Variants in PATJ observed in about 807,000 individuals in gnomAD.
The protein encoded by PATJ is PATJ crumbs cell polarity complex component.
In PATJ, 190 loss-of-function variants were observed where a neutral mutation model predicts 224.9. The observed-to-expected ratio is 0.84, with a 90% CI of 0.75 to 0.95. The LOEUF is 0.95. PATJ is among the 40% of genes least tolerant of loss of function. PATJ has a pLI of 0.00. For missense variants in PATJ, 2,121 were observed against 2,270.3 expected (o/e 0.93, Z 1.34); for synonymous variants, 769 against 820.3 (o/e 0.94, Z 1.07).
chr1:61,898,998 G>A (rs1670752388), intron 22 of PATJ, among the ~76,000 whole-genome samples: 2 of 152,128 alleles, frequency 1.3e-5, no homozygotes, highest in South Asian at 2.1e-4. Flanking sequence ...CAGTTCAGTA[G>A]TACTATACTA....
intron 28 of PATJ, among the ~76,000 whole-genome samples, chr1:62,014,349 C>A (rs1646638988): frequency 6.6e-6 from 1 of 152,048 alleles, no homozygotes; most frequent in Non-Finnish European, 1.5e-5. Context: ...AGCCACCACA[C>A]CTGGCCTTAT....
intron 39 of PATJ, among the ~76,000 whole-genome samples, chr1:62,127,468 C>T (rs955098834): frequency 1.4e-5 from 2 of 147,700 alleles, no homozygotes; most frequent in East Asian, 2.0e-4. Context: ...TGACAACTTT[C>T]ACAAGGTTAA....
At chr1:62,092,454 G>A (rs577308216) in intron 33 of PATJ, among the ~76,000 whole-genome samples, 1 of 150,958 alleles carries the variant, frequency 6.6e-6, no homozygotes, top group South Asian at 2.1e-4. Flanking sequence ...AAAGTCCTGC[G>A]AATGTCAGAG....
At chr1:61,871,062 T>G in intron 20 of PATJ, among the ~76,000 whole-genome samples, 1 of 149,692 alleles carries the variant, frequency 6.7e-6, no homozygotes, top group Non-Finnish European at 1.5e-5. Flanking sequence ...TTTAAAGATT[T>G]GGTTTTTGTT....
Position 61,908,447 on chromosome 1 carries a change from G to T in PATJ, c.3457G>T (p.Val1153Leu), listed in dbSNP as rs186943456. The T allele has an allele frequency of 2.5e-5, 40 of 1,613,908 alleles. No individual in the cohort carries two copies. The Admixed American group carries it at 6.7e-4, about 27-fold the overall frequency. ...CATTAAGAATGCAGGAAACCCTGTG[G>T]TGTTCATTGTTCAGAGTTTGTCATC... ...EAIKNAGNPV[V>L]FIVQSLSSTP... is the part of the protein sequence containing the mutation. The change falls in exon 25 of 44, where the codon GTG (valine) becomes TTG (leucine). Residue 1153 changes from valine to leucine, a missense_variant. Transcript: ENST00000642238.
At chr1:62,061,918 C>T (rs1271202481) in intron 31 of PATJ, among the ~76,000 whole-genome samples, 1 of 152,196 alleles carries the variant, frequency 6.6e-6, no homozygotes, top group East Asian at 1.9e-4. Flanking sequence ...CTCGGCCTCC[C>T]AAAGTGCTGG....
chr1:61,765,572 A>G (rs1472346898), intron 3 of PATJ, among the ~76,000 whole-genome samples: 1 of 152,072 alleles, frequency 6.6e-6, no homozygotes, highest in Non-Finnish European at 1.5e-5. Context: ...TTTGATAGCG[A>G]TGGGGTTTCA....
At chr1:62,116,116 C>T (rs1356600847) in intron 35 of PATJ, among the ~76,000 whole-genome samples, 1 of 152,148 alleles carries the variant, frequency 6.6e-6, no homozygotes, top group Non-Finnish European at 1.5e-5. Flanking sequence ...TTGTAAGGAA[C>T]ATTTACATTC....
At chr1:61,945,160 T>A (rs1322351676) in intron 27 of PATJ, among the ~76,000 whole-genome samples, 1 of 152,196 alleles carries the variant, frequency 6.6e-6, no homozygotes, top group Non-Finnish European at 1.5e-5. Context: ...AGGAAGAAAC[T>A]GCATCAACTA....
intron 43 of PATJ, among the ~76,000 whole-genome samples, chr1:62,155,126 G>C (rs545669745): frequency 6.6e-6 from 1 of 152,320 alleles, no homozygotes; most frequent in East Asian, 1.9e-4. Context: ...GAAATAGCCA[G>C]CTATGTAGAT....
At chr1:61,964,361 C>A (rs2365735) in intron 27 of PATJ, among the ~76,000 whole-genome samples, 61,539 of 151,928 alleles carry the variant, frequency 0.41, 13,693 homozygotes, top group East Asian at 0.8. Flanking sequence ...GGATTAGAGG[C>A]GTGAACCACT....
intron 41 of PATJ, among the ~76,000 whole-genome samples, chr1:62,131,708 G>A (rs1338020590): frequency 6.6e-6 from 1 of 151,948 alleles, no homozygotes; most frequent in Non-Finnish European, 1.5e-5. Flanking sequence ...GATCACTTGA[G>A]CCCAAGAGTT....
intron 9 of PATJ, among the ~76,000 whole-genome samples, chr1:61,792,464 T>C (rs1650084743): frequency 6.6e-6 from 1 of 152,136 alleles, no homozygotes; most frequent in African/African-American, 2.4e-5. Context: ...ATTAAGAAAA[T>C]TTAATGTTTA....
At chr1:61,934,487 T>C (rs1676536484) in intron 27 of PATJ, among the ~76,000 whole-genome samples, 1 of 152,230 alleles carries the variant, frequency 6.6e-6, no homozygotes, top group Non-Finnish European at 1.5e-5. Flanking sequence ...GTACCTGCTA[T>C]GTGCCATACA....
At chr1:62,156,620 A>T (rs1202266780) in intron 43 of PATJ, among the ~76,000 whole-genome samples, 5 of 151,944 alleles carry the variant, frequency 3.3e-5, no homozygotes, top group Non-Finnish European at 5.9e-5. Context: ...GGTGAGTTTT[A>T]AAAAAATCTG....
At chr1:61,790,519 TTTTTTTTTG>T (rs1206156225) in intron 8 of PATJ, among the ~76,000 whole-genome samples, 3 of 145,472 alleles carry the variant, frequency 2.1e-5, no homozygotes, top group Admixed American at 6.9e-5. Flanking sequence ...TTTTTTGTTT[TTTTTTTTTG>T]TTTGAGACAG....
In PATJ at chr1:62,102,329, G is replaced by T. The variant is rs913411111; in HGVS notation, c.4378-6108G>T. On this transcript the variant is annotated intron_variant, in intron 33 of 43. Transcript: ENST00000642238. ...AACTACCAGGAGGAAATTCATTTTT[G>T]ACTCTGTCAGTCTTGATCACCTATA... 2.6e-5 allele frequency among the ~76,000 whole-genome samples: 4 copies of T among 152,246 alleles called. No homozygotes were observed. In the East Asian group the frequency reaches 5.8e-4, roughly 22 times the overall value.
intron 27 of PATJ, chr1:61,952,506 G>A (rs1679866219): frequency 1.4e-6 from 1 of 698,356 alleles, no homozygotes; most frequent in Non-Finnish European, 2.7e-6. Flanking sequence ...TAAAGGTTTA[G>A]ACAATGGTAA....
chr1:61,987,550 T>G (rs77864941), intron 27 of PATJ, among the ~76,000 whole-genome samples: 3,522 of 152,306 alleles, frequency 0.023, 88 homozygotes, highest in African/African-American at 0.057. Context: ...AGTGCTCTGG[T>G]TGAATCCGGG....
Sources: gnomAD v4.1 joint callset for allele counts (sites outside exome capture counted in the v4.1 genomes callset) on GRCh38, gnomAD v4.1.1 for gene constraint, MANE v1.5 for transcripts, NCBI Gene and HGNC (gene_info 2026-07-23, HGNC 2026-07-21) for gene names.